SLC16A2: variants seen among roughly 807,000 people sequenced by gnomAD.
SLC16A2 encodes monocarboxylate transporter 8.
Under a neutral mutation model 27.2 loss-of-function variants are expected in SLC16A2, and 3 were observed. That is an observed-to-expected ratio of 0.11 (90% CI 0.05 to 0.28). The LOEUF is 0.28. Among genes scored for constraint, SLC16A2 ranks in the 10% least tolerant of loss-of-function variants. The probability of loss-of-function intolerance (pLI) is 1.00; values close to 1 mark genes in which losing one functional copy is unlikely to be tolerated. For missense variants in SLC16A2, 295 were observed against 458.5 expected (o/e 0.64, Z 3.26); for synonymous variants, 202 against 187.8 (o/e 1.08, Z -0.62).
chrX:74,526,605 G>A (rs749765491), intron 4 of SLC16A2, among the ~76,000 whole-genome samples: 1 of 112,278 alleles, frequency 8.9e-6, no homozygotes, highest in South Asian at 3.7e-4. Context: ...AGGCAGGGTT[G>A]CTTTTAAGGT....
intron 1 of SLC16A2, among the ~76,000 whole-genome samples, chrX:74,479,639 T>C (rs1312494103): frequency 8.9e-6 from 1 of 112,093 alleles, no homozygotes; most frequent in Admixed American, 9.5e-5. Context: ...TCTTTGATGA[T>C]GGTGATGTAC....
chrX:74,517,236 T>G (rs1408759399), intron 1 of SLC16A2, among the ~76,000 whole-genome samples: 1 of 112,390 alleles, frequency 8.9e-6, no homozygotes, highest in Non-Finnish European at 1.9e-5. Flanking sequence ...TGGACTATCT[T>G]GGCTATTTCC....
At chrX:74,506,933 A>G (rs935721280) in intron 1 of SLC16A2, among the ~76,000 whole-genome samples, 2 of 29,949 alleles carry the variant, frequency 6.7e-5, no homozygotes, top group African/African-American at 1.2e-4. Context: ...TTATTTATTT[A>G]TTTATTTTTT....
At chrX:74,505,938 T>C (rs1930117861) in intron 1 of SLC16A2, among the ~76,000 whole-genome samples, 1 of 111,915 alleles carries the variant, frequency 8.9e-6, no homozygotes, top group South Asian at 3.8e-4. Flanking sequence ...TGTTTTGGCT[T>C]TACAAAGGCA....
At position 74,506,869 on chromosome X, in the gene SLC16A2, T is replaced by A. The variant is rs1338556406; in HGVS notation, c.431-14121T>A. ...GCTGTATGTCCTTGAGTAGTTTATGTCCTCTCTGAGCTTCAGTGTTCTCAT... is the reference window on the plus strand; with the variant it reads ...GCTGTATGTCCTTGAGTAGTTTATGACCTCTCTGAGCTTCAGTGTTCTCAT... On this transcript the variant is annotated intron_variant, in intron 1 of 5. Transcript: ENST00000587091. Among the ~76,000 whole-genome samples, 14 of 111,235 alleles carry A rather than the reference T, an allele frequency of 1.3e-4. No homozygotes were observed. In the Admixed American group the frequency reaches 1.3e-3, roughly 11 times the overall value.
At chrX:74,497,996 T>C (rs1929966130) in intron 1 of SLC16A2, among the ~76,000 whole-genome samples, 1 of 111,763 alleles carries the variant, frequency 8.9e-6, no homozygotes, top group South Asian at 3.8e-4. Flanking sequence ...AAATCTGACA[T>C]AGTTGAGTCC....
chrX:74,426,496 A>C (rs950223952), intron 1 of SLC16A2, among the ~76,000 whole-genome samples: 15 of 111,747 alleles, frequency 1.3e-4, no homozygotes, highest in Non-Finnish European at 2.6e-4. Flanking sequence ...TGCTCATTCT[A>C]AGTCTAAAAA....
At chrX:74,439,806 G>A (rs1056000444) in intron 1 of SLC16A2, among the ~76,000 whole-genome samples, 1 of 110,020 alleles carries the variant, frequency 9.1e-6, no homozygotes, top group African/African-American at 3.3e-5. Flanking sequence ...GAAAGAAGAG[G>A]GAAAAGTGAG....
At chrX:74,506,024 A>C (rs1930119814) in intron 1 of SLC16A2, among the ~76,000 whole-genome samples, 1 of 112,124 alleles carries the variant, frequency 8.9e-6, no homozygotes, top group Non-Finnish European at 1.9e-5. Flanking sequence ...GGTGGGACAG[A>C]TCAATGGAGC....
intron 1 of SLC16A2, among the ~76,000 whole-genome samples, chrX:74,519,921 C>A (rs1930380763): frequency 9.0e-6 from 1 of 110,659 alleles, no homozygotes; most frequent in South Asian, 3.9e-4. Context: ...AAGTTAAGGT[C>A]TCCTGCTGTC....
At chrX:74,515,679 CAGTA>C (rs1930307844) in intron 1 of SLC16A2, among the ~76,000 whole-genome samples, 1 of 111,190 alleles carries the variant, frequency 9.0e-6, no homozygotes, top group South Asian at 3.8e-4. Context: ...ATCTTGAAAA[CAGTA>C]AGAGAGAAAT....
intron 1 of SLC16A2, among the ~76,000 whole-genome samples, chrX:74,462,553 C>T (rs752519830): frequency 2.2e-4 from 24 of 111,432 alleles, no homozygotes; most frequent in Non-Finnish European, 4.1e-4. Context: ...CTCCTGACCT[C>T]GTGATCCGCC....
At chrX:74,522,627 G>C (rs1930424931) in intron 2 of SLC16A2, among the ~76,000 whole-genome samples, 1 of 111,906 alleles carries the variant, frequency 8.9e-6, no homozygotes, top group African/African-American at 3.3e-5. Context: ...AAACGGATTA[G>C]CAACATATGG....
chrX:74,422,482 G>C (rs1928325628), intron 1 of SLC16A2, among the ~76,000 whole-genome samples: 1 of 108,611 alleles, frequency 9.2e-6, no homozygotes, highest in South Asian at 4.1e-4. Flanking sequence ...ATTGAGAGGC[G>C]GGGCGGGCTC....
chrX:74,511,930 G>T (rs1930240609), intron 1 of SLC16A2, among the ~76,000 whole-genome samples: 1 of 112,123 alleles, frequency 8.9e-6, no homozygotes, highest in Admixed American at 9.4e-5. Flanking sequence ...GAGCCGCAGA[G>T]ATAAGGGCTC....
At chrX:74,474,924 G>A (rs1929436594) in intron 1 of SLC16A2, among the ~76,000 whole-genome samples, 1 of 110,645 alleles carries the variant, frequency 9.0e-6, no homozygotes, top group African/African-American at 3.3e-5. Flanking sequence ...ATTGTGAATA[G>A]TGCCGCAATA....
chrX:74,454,184 C>T (rs1241499742), intron 1 of SLC16A2, among the ~76,000 whole-genome samples: 3 of 111,593 alleles, frequency 2.7e-5, no homozygotes, highest in East Asian at 2.8e-4. Flanking sequence ...CCTCAGGGAT[C>T]GAGAACTAGA....
At chrX:74,456,309 C>T (rs1220419024) in intron 1 of SLC16A2, among the ~76,000 whole-genome samples, 1 of 111,361 alleles carries the variant, frequency 9.0e-6, no homozygotes, top group East Asian at 2.8e-4. Flanking sequence ...TGGCCAGGCC[C>T]GAGCTTGGAA....
chrX:74,489,456 A>T (rs775808754), intron 1 of SLC16A2, among the ~76,000 whole-genome samples: 33 of 112,088 alleles, frequency 2.9e-4, no homozygotes, highest in African/African-American at 1.1e-3. Flanking sequence ...AAAAATGCTA[A>T]TAATTCTTAA....
Sources: gnomAD v4.1 joint callset for allele counts (sites outside exome capture counted in the v4.1 genomes callset) on GRCh38, gnomAD v4.1.1 for gene constraint, MANE v1.5 for transcripts, NCBI Gene and HGNC (gene_info 2026-07-23, HGNC 2026-07-21) for gene names.